Variants in C19orf47 observed in about 807,000 individuals in gnomAD.
C19orf47 encodes the protein chromosome 19 open reading frame 47.
A neutral mutation model predicts 32.3 loss-of-function variants in C19orf47; 18 were observed. The ratio of observed to expected loss-of-function variants is 0.56; its 90% confidence interval spans 0.39 to 0.83. The LOEUF (loss-of-function observed/expected upper bound fraction) is 0.83, where lower values mean the gene tolerates loss of function less well. Among genes scored for constraint, C19orf47 ranks in the 40% least tolerant of loss-of-function variants. C19orf47 has a pLI of 0.00. For synonymous variants in C19orf47, 202 were observed against 211.1 expected (o/e 0.96, Z 0.37); for missense variants, 484 against 531.6 (o/e 0.91, Z 0.88).
At chr19:40,347,113 C>G (rs913157003) in intron 1 of C19orf47, among the ~76,000 whole-genome samples, 1 of 152,066 alleles carries the variant, frequency 6.6e-6, no homozygotes, top group Non-Finnish European at 1.5e-5. Flanking sequence ...AAAGGGAATA[C>G]GTAGTATTCC....
rs201362970 is a variant in C19orf47, at chr19:40,346,442, C to CAAATAAAT, written c.-34+1874_-34+1881dup. Among the ~76,000 whole-genome samples the CAAATAAAT allele has an allele frequency of 4.9e-3, 516 of 105,860 alleles. 5 individuals carry two copies. The highest frequency in any genetic ancestry group is 0.012 in the African/African-American group (331 of 27,106). 69.4% of individuals were successfully genotyped at this position (105,860 alleles called of 152,430 possible). A position where few individuals can be genotyped will look rare whatever the true frequency, so the allele number is the denominator to read the frequency against. On this transcript the variant is annotated intron_variant, in intron 1 of 8. Coordinates refer to ENST00000683109, the MANE Select transcript of C19orf47 (RefSeq NM_001256441.2). ...TGGGCAACAGAGCGAGACCTTGTCT[C>CAAATAAAT]AAATAAATAAATAAATAAATAAATA... is the stretch of plus-strand genomic sequence containing the variant.
At chr19:40,319,463 A>G (rs1221396816), downstream of C19orf47, 1 of 152,820 alleles carries the variant, frequency 6.5e-6, no homozygotes, top group East Asian at 1.9e-4. Context: ...CCTGTTCTCT[A>G]AACAGGGAAA....
chr19:40,299,798 G>A, the C19orf47 span, among the ~76,000 whole-genome samples: 4 of 152,258 alleles, frequency 2.6e-5, no homozygotes, highest in African/African-American at 9.6e-5. Flanking sequence ...GGCCGAGGCA[G>A]GTGGATCACC....
downstream of C19orf47, among the ~76,000 whole-genome samples, chr19:40,316,084 C>T (rs2077660307): frequency 6.6e-6 from 1 of 152,110 alleles, no homozygotes; most frequent in African/African-American, 2.4e-5. Flanking sequence ...CCCCGACAGG[C>T]CTTCAAAGTT....
intron 4 of C19orf47, 93 bp from the exon 5 acceptor site, chr19:40,334,022 G>T: frequency 2.2e-6 from 2 of 899,786 alleles, no homozygotes; most frequent in Non-Finnish European, 3.3e-6. Context: ...ACACCTGACT[G>T]CTAGAGAAGA....
intron 5 of C19orf47, among the ~76,000 whole-genome samples, chr19:40,333,623 T>A (rs1023163585): frequency 6.6e-6 from 1 of 152,168 alleles, no homozygotes; most frequent in African/African-American, 2.4e-5. Flanking sequence ...ATTCACTAAG[T>A]GTACATATTA....
intron 1 of C19orf47, among the ~76,000 whole-genome samples, chr19:40,347,886 TATG>T (rs2078350341): frequency 6.6e-6 from 1 of 152,108 alleles, no homozygotes; most frequent in South Asian, 2.1e-4. Flanking sequence ...AAGACGACCC[TATG>T]ATATTGGGAC....
At chr19:40,323,916 G>A in intron 8 of C19orf47, 90 bp downstream of exon 8, 1 of 1,512,736 alleles carries the variant, frequency 6.6e-7, no homozygotes, top group Non-Finnish European at 9.2e-7. Flanking sequence ...CCTGGGCCGA[G>A]TGAGGTTGAG....
chr19:40,300,323 G>A, the C19orf47 span, among the ~76,000 whole-genome samples: 1 of 148,662 alleles, frequency 6.7e-6, no homozygotes, highest in Admixed American at 6.6e-5. Flanking sequence ...AAATTAGCTG[G>A]GTGTGGTGGC....
At chr19:40,342,158 C>G (rs1447926517) in intron 1 of C19orf47, 18 of 589,688 alleles carry the variant, frequency 3.1e-5, no homozygotes, top group Non-Finnish European at 3.8e-5. Flanking sequence ...AAAAGGAGTG[C>G]AACAGAAATA....
At chr19:40,345,842 C>A in intron 1 of C19orf47, among the ~76,000 whole-genome samples, 1 of 104,228 alleles carries the variant, frequency 9.6e-6, no homozygotes, top group African/African-American at 3.8e-5. Flanking sequence ...GAGCAAGACT[C>A]AGTCTCAAAA....
the C19orf47 span, among the ~76,000 whole-genome samples, chr19:40,302,585 C>G: frequency 6.6e-6 from 1 of 152,204 alleles, no homozygotes. Context: ...GCCACCACTC[C>G]TGGCAACAAA....
chr19:40,313,623 C>A, the C19orf47 span, among the ~76,000 whole-genome samples: 1 of 152,204 alleles, frequency 6.6e-6, no homozygotes, highest in Non-Finnish European at 1.5e-5. Flanking sequence ...CCATGCCCAG[C>A]CCGCTTTTCC....
rs1471750321 is a variant in C19orf47 at position 40,320,258 on chromosome 19, A to T, written c.*1624T>A. The T allele has an allele frequency of 1.9e-5, 3 of 155,076 alleles. No individual in the cohort carries two copies. The highest frequency in any genetic ancestry group is 4.4e-5 in the Non-Finnish European group (3 of 68,834). 9.6% of individuals were successfully genotyped at this position (155,076 alleles called of 1,614,324 possible). ...CCTTCTCCTCACAGAAGCCAGAGCGATGATCCTAAATGAAACTCAGCTCAG... is the reference window on the plus strand; with the variant it reads ...CCTTCTCCTCACAGAAGCCAGAGCGTTGATCCTAAATGAAACTCAGCTCAG... On this transcript the variant is annotated 3_prime_UTR_variant, in exon 9 of 9. Coordinates refer to ENST00000683109, the MANE Select transcript of C19orf47 (RefSeq NM_001256441.2).
At chr19:40,313,942 AG>A in the C19orf47 span, among the ~76,000 whole-genome samples, 4 of 151,458 alleles carry the variant, frequency 2.6e-5, no homozygotes, top group Non-Finnish European at 5.9e-5. Context: ...AAAAAAAAAA[AG>A]GTATAGAAAA....
At chr19:40,309,544 T>C in the C19orf47 span, among the ~76,000 whole-genome samples, 1 of 152,128 alleles carries the variant, frequency 6.6e-6, no homozygotes, top group African/African-American at 2.4e-5. Flanking sequence ...GATTTTTGCA[T>C]CATTTGAGTG....
At chr19:40,336,478 A>C (rs1033003257) in intron 2 of C19orf47, 71 bp from the exon 3 acceptor site, 4 of 1,346,148 alleles carry the variant, frequency 3.0e-6, no homozygotes, top group Non-Finnish European at 4.2e-6. Flanking sequence ...AACCACAATC[A>C]CAGCAGCTCC....
At chr19:40,296,997 T>C in the C19orf47 span, among the ~76,000 whole-genome samples, 1 of 152,094 alleles carries the variant, frequency 6.6e-6, no homozygotes, top group African/African-American at 2.4e-5. Context: ...ATGTGGTGCA[T>C]TGCTCATTAA....
intron 8 of C19orf47, among the ~76,000 whole-genome samples, chr19:40,323,571 T>A (rs547172164): frequency 1.3e-5 from 2 of 152,234 alleles, no homozygotes; most frequent in Admixed American, 6.5e-5. Flanking sequence ...GCTGTGGGGA[T>A]AGGGGCTGGG....
Sources: gnomAD v4.1 joint callset for allele counts (sites outside exome capture counted in the v4.1 genomes callset) on GRCh38, gnomAD v4.1.1 for gene constraint, MANE v1.5 for transcripts, NCBI Gene and HGNC (gene_info 2026-07-23, HGNC 2026-07-21) for gene names.